Variants in MMACHC observed in about 807,000 individuals in gnomAD.
The protein encoded by MMACHC is cyanocobalamin reductase / alkylcobalamin dealkylase.
Under a neutral mutation model 17.6 loss-of-function variants are expected in MMACHC, and 14 were observed. The observed-to-expected ratio is 0.80, with a 90% CI of 0.53 to 1.25. MMACHC has a LOEUF of 1.25. Among genes scored for constraint, MMACHC ranks in the 50% most tolerant of loss-of-function variants. MMACHC has a pLI of 0.00. For synonymous variants in MMACHC, 151 were observed against 142.1 expected (o/e 1.06, Z -0.45); for missense variants, 392 against 364.5 (o/e 1.08, Z -0.62).
chr1:45,508,560 G>A (rs146432356), intron 3 of MMACHC, among the ~76,000 whole-genome samples, 196 bp downstream of exon 3: 1 of 152,198 alleles, frequency 6.6e-6, no homozygotes, highest in African/African-American at 2.4e-5. Context: ...TTAGTCTGCA[G>A]AACTGTCTTA....
chr1:45,508,963 C>T lies in MMACHC; in HGVS notation c.597C>T (p.His199=), dbSNP rs1254999932. 6.2e-7 allele frequency: 1 copy of T among 1,614,202 alleles called. No homozygotes were observed. The highest frequency in any genetic ancestry group is 1.1e-5 in the South Asian group (1 of 91,080). ...CCCTACTCGAAGGCTTCAATTTCCA[C>T]TGGCGTGATTGGACTTACCGGGATG... The part of the protein sequence containing the change: ...RIALLEGFNF[H]WRDWTYRDAV... Residue 199 remains histidine (H), a synonymous_variant, in exon 4 of 4, where the codon CAC becomes CAT. Transcript: ENST00000401061.
In MMACHC at chr1:45,512,894, ACT is replaced by A. The variant is rs1164540593; in HGVS notation, c.*3682_*3683del. 1 of 151,956 alleles carries A rather than the reference ACT, an allele frequency of 6.6e-6. No homozygotes were observed. The highest frequency in any genetic ancestry group is 6.6e-5 in the Admixed American group (1 of 15,242). 9.4% of individuals were successfully genotyped at this position (151,956 alleles called of 1,614,324 possible). On this transcript the variant is annotated 3_prime_UTR_variant, in exon 4 of 4. Coordinates refer to ENST00000401061, the MANE Select transcript of MMACHC (RefSeq NM_015506.3). ...TGCTCACTGATCCCTATATAATCAG[ACT>A]CTAATCCCTGTAAAAAGATTACTTG...
At chr1:45,506,378 G>C (rs1282973495) in intron 1 of MMACHC, among the ~76,000 whole-genome samples, 1 of 152,170 alleles carries the variant, frequency 6.6e-6, no homozygotes, top group African/African-American at 2.4e-5. Flanking sequence ...GGGCAAGTGC[G>C]TTGACAGCCA....
In MMACHC at chr1:45,511,565, A is replaced by G; in HGVS notation, c.*2350A>G. On this transcript the variant is annotated 3_prime_UTR_variant, in exon 4 of 4. Transcript: ENST00000401061. ...TTAGATCATTCACCCTTTTAGTATG[A>G]GCTAACCATTTTACAAACATATAAT... 2.0e-6 allele frequency: 1 copy of G among 492,904 alleles called. No homozygotes were observed. Among genetic ancestry groups the G allele is most frequent in the East Asian group, 3.1e-5 (1 of 31,824 alleles). 30.5% of individuals were successfully genotyped at this position (492,904 alleles called of 1,614,324 possible).
chr1:45,505,320 C>T (rs917254552), intron 1 of MMACHC, among the ~76,000 whole-genome samples: 23 of 151,798 alleles, frequency 1.5e-4, no homozygotes, highest in African/African-American at 4.6e-4. Flanking sequence ...TAGTGATGCA[C>T]GCCTGTAGTC....
At position 45,509,215 on chromosome 1, in the gene MMACHC, A is replaced by G. The variant is rs769732556; in HGVS notation, c.849A>G (p.Ter283TrpextTer14). The change falls in exon 4 of 4, where the codon TGA becomes TGG. Residue 283 changes from the stop codon to tryptophan, a stop_lost. Transcript: ENST00000401061. ...RVSPPASPGP[*>W] ...CACCACCTGCATCCCCTGGCCCTTG[A>G]TTTTCTCCCATGTGGACCCTGATTT... 4.3e-6 allele frequency: 7 copies of G among 1,613,632 alleles called. No individual in the cohort carries two copies. The highest frequency in any genetic ancestry group is 3.3e-5 in the South Asian group (3 of 91,068).
At position 45,507,491 on chromosome 1, in the gene MMACHC, C is replaced by T. The variant is rs796051995; in HGVS notation, c.217C>T (p.Arg73Ter). 3.7e-6 allele frequency: 6 copies of T among 1,614,034 alleles called. No individual in the cohort carries two copies. Among genetic ancestry groups the T allele is most frequent in the African/African-American group, 1.3e-5 (1 of 74,908 alleles). Residue 73 changes from arginine (R) to a stop codon, truncating the protein, a stop_gained, in exon 2 of 4, where the codon CGA becomes TGA. Transcript: ENST00000401061. LOFTEE classifies it high-confidence loss of function. ...GCCCTTCTTGCAGAGCTGCCACCTC[C>T]GAATGCTGACTGACCCAGTGGACCA... ...LKPFLQSCHL[R>*]MLTDPVDQCV...
chr1:45,503,272 C>T (rs906882893), intron 1 of MMACHC, among the ~76,000 whole-genome samples: 1 of 151,870 alleles, frequency 6.6e-6, no homozygotes, highest in Non-Finnish European at 1.5e-5. Context: ...GTGGTGTGCA[C>T]CTGTAATCCC....
rs1444827099 is a variant in MMACHC at position 45,510,773 on chromosome 1, CACACTGAGACT to C, written c.*1559_*1569del. The stretch of plus-strand genomic sequence containing the variant: ...AAACAAAAATAGGTGTCCAAGTAGT[CACACTGAGACT>C]TTAACTGGTAACCCAGCCTGTGGCG... On this transcript the variant is annotated 3_prime_UTR_variant, in exon 4 of 4. Transcript: ENST00000401061. 3 of 152,252 alleles carry C rather than the reference CACACTGAGACT, an allele frequency of 2.0e-5. No homozygotes were observed. The highest frequency in any genetic ancestry group is 7.2e-5 in the African/African-American group (3 of 41,458). The allele number at this position is 152,252 out of a possible 1,614,324, so 9.4% of individuals were successfully genotyped here.
chr1:45,500,600 C>G (rs1427483702), intron 1 of MMACHC, among the ~76,000 whole-genome samples, 187 bp downstream of exon 1: 2 of 152,152 alleles, frequency 1.3e-5, no homozygotes, highest in Non-Finnish European at 2.9e-5. Context: ...CATGGTGGCT[C>G]ACGCCTGTAA....
At chr1:45,505,030 C>A (rs1643600910) in intron 1 of MMACHC, among the ~76,000 whole-genome samples, 1 of 148,310 alleles carries the variant, frequency 6.7e-6, no homozygotes, top group South Asian at 2.2e-4. Context: ...GCACAAGAAT[C>A]ACTTGGACCC....
intron 1 of MMACHC, among the ~76,000 whole-genome samples, chr1:45,502,293 A>G (rs1244188468): frequency 1.3e-5 from 2 of 152,192 alleles, no homozygotes; most frequent in African/African-American, 4.8e-5. Flanking sequence ...ATTTAGAGAC[A>G]AAGTCTCACT....
intron 1 of MMACHC, among the ~76,000 whole-genome samples, chr1:45,505,912 A>C (rs372628410): frequency 4.0e-4 from 61 of 152,252 alleles, no homozygotes; most frequent in African/African-American, 1.0e-3. Flanking sequence ...AAAAAAAAAA[A>C]AAAACAAAAC....
intron 1 of MMACHC, among the ~76,000 whole-genome samples, chr1:45,504,220 G>A (rs1643585062): frequency 6.6e-6 from 1 of 152,250 alleles, no homozygotes; most frequent in Middle Eastern, 3.4e-3. Context: ...TTCAAGACCA[G>A]CCTCGCCAAC....
chr1:45,500,494 TG>T, intron 1 of MMACHC, 81 bp downstream of exon 1: 5 of 1,346,968 alleles, frequency 3.7e-6, no homozygotes, highest in Non-Finnish European at 5.3e-6. Flanking sequence ...CGGGAGCCTC[TG>T]ATCCTCCTGG....
chr1:45,505,805 G>A (rs1454347226), intron 1 of MMACHC, among the ~76,000 whole-genome samples: 2 of 151,858 alleles, frequency 1.3e-5, no homozygotes, highest in African/African-American at 2.4e-5. Flanking sequence ...AGGAGGCTGA[G>A]GCAGGGGAAT....
rs771673343 is a variant in MMACHC, at chr1:45,507,364, G to A, written c.90G>A (p.Trp30Ter). ...TGAACTTTCTGTTTCAGGTGGCATG[G>A]TACAATGAACTCTTGCCTCCAGCCT... ...GFEVYPFQVA[W>*]YNELLPPAFH... The change falls in exon 2 of 4, where the codon TGG becomes TGA. Residue 30 changes from tryptophan (W) to a stop codon, truncating the protein, a stop_gained. Transcript: ENST00000401061. LOFTEE classifies it high-confidence loss of function. 9.9e-6 allele frequency: 16 copies of A among 1,614,102 alleles called. No individual in the cohort carries two copies. The highest frequency in any genetic ancestry group is 1.2e-5 in the Non-Finnish European group (14 of 1,180,002).
chr1:45,512,623 G>C lies in MMACHC; in HGVS notation c.*3408G>C, dbSNP rs909879639. 3 of 152,000 alleles carry C rather than the reference G, an allele frequency of 2.0e-5. No individual in the cohort carries two copies. Among genetic ancestry groups the C allele is most frequent in the Admixed American group, 6.5e-5 (1 of 15,270 alleles). 9.4% of individuals were successfully genotyped at this position (152,000 alleles called of 1,614,324 possible). A position where few individuals can be genotyped will look rare whatever the true frequency, so the allele number is the denominator to read the frequency against. ...TTCCAGTGGGATGGGAAGCAGCAGA[G>C]ACCAACAGAGTCTGAAGAAGCAAGC... On this transcript the variant is annotated 3_prime_UTR_variant, in exon 4 of 4. Coordinates refer to ENST00000401061, the MANE Select transcript of MMACHC (RefSeq NM_015506.3).
chr1:45,507,418 G>A lies in MMACHC; in HGVS notation c.144G>A (p.Leu48=). The change falls in exon 2 of 4, where the codon CTG becomes CTA. Residue 48 remains leucine, a synonymous_variant. Transcript: ENST00000401061. ...AFHLPLPGPT[L]AFLVLSTPAM... is the part of the protein sequence containing the mutation. ...ACCTACCGCTGCCAGGACCTACCCTGGCCTTCCTGGTACTCAGCACGCCTG... is the reference window on the plus strand; with the variant it reads ...ACCTACCGCTGCCAGGACCTACCCTAGCCTTCCTGGTACTCAGCACGCCTG... The A allele has an allele frequency of 6.2e-7, 1 of 1,614,106 alleles. No individual in the cohort carries two copies. The highest frequency in any genetic ancestry group is 8.5e-7 in the Non-Finnish European group (1 of 1,180,016).
Sources: gnomAD v4.1 joint callset for allele counts (sites outside exome capture counted in the v4.1 genomes callset) on GRCh38, gnomAD v4.1.1 for gene constraint, MANE v1.5 for transcripts, NCBI Gene and HGNC (gene_info 2026-07-23, HGNC 2026-07-21) for gene names.